PRELID2: variants seen among roughly 807,000 people sequenced by gnomAD.
PRELID2 encodes the protein PRELI domain-containing protein 2.
Under a neutral mutation model 28.4 loss-of-function variants are expected in PRELID2, and 25 were observed. The ratio of observed to expected loss-of-function variants is 0.88; its 90% CI spans 0.64 to 1.23. The LOEUF is 1.23. Among genes scored for constraint, PRELID2 ranks in the 50% most tolerant of loss-of-function variants. The pLI is 0.00. For synonymous variants in PRELID2, 76 were observed against 71.6 expected (o/e 1.06, Z -0.31); for missense variants, 201 against 214.4 (o/e 0.94, Z 0.39).
the PRELID2 span, among the ~76,000 whole-genome samples, chr5:145,251,465 C>T: frequency 6.6e-6 from 1 of 151,962 alleles, no homozygotes; most frequent in Non-Finnish European, 1.5e-5. Context: ...GTCTTGATCT[C>T]AGTGTAATGA....
intron 5 of PRELID2, among the ~76,000 whole-genome samples, chr5:145,790,426 A>T (rs749188199): frequency 6.6e-6 from 1 of 152,114 alleles, no homozygotes; most frequent in Non-Finnish European, 1.5e-5. Context: ...AATCTAAAAA[A>T]GTTAAACTCA....
At chr5:145,418,802 A>G in the PRELID2 span, among the ~76,000 whole-genome samples, 1 of 151,688 alleles carries the variant, frequency 6.6e-6, no homozygotes, top group Admixed American at 6.6e-5. Context: ...ATATGTATAC[A>G]TGTGCCATGC....
the PRELID2 span, among the ~76,000 whole-genome samples, chr5:145,256,673 AT>A: frequency 2.6e-5 from 4 of 152,006 alleles, no homozygotes; most frequent in East Asian, 7.7e-4. Context: ...AAAGAAAACC[AT>A]ACCTAAGCAG....
chr5:145,506,681 G>A (rs1022824900), intron 1 of PRELID2, among the ~76,000 whole-genome samples: 11 of 152,176 alleles, frequency 7.2e-5, no homozygotes, highest in Non-Finnish European at 1.6e-4. Context: ...CCCACAATGG[G>A]AGGATACTGC....
intron 1 of PRELID2, among the ~76,000 whole-genome samples, chr5:145,571,613 C>A (rs1043363540): frequency 6.6e-6 from 1 of 152,162 alleles, no homozygotes. Flanking sequence ...CCTCCCTTTC[C>A]AGACTTTTCC....
At chr5:145,799,145 C>T (rs918304913) in intron 4 of PRELID2, among the ~76,000 whole-genome samples, 1 of 150,420 alleles carries the variant, frequency 6.6e-6, no homozygotes, top group Non-Finnish European at 1.5e-5. Flanking sequence ...ACATTAAGCT[C>T]CTATAAGATT....
the PRELID2 span, among the ~76,000 whole-genome samples, chr5:145,353,306 AC>A: frequency 3.3e-5 from 5 of 150,176 alleles, no homozygotes; most frequent in Admixed American, 1.3e-4. Context: ...ACACACACAC[AC>A]AAAAAATCAG....
At chr5:145,327,100 G>A in the PRELID2 span, among the ~76,000 whole-genome samples, 1 of 152,004 alleles carries the variant, frequency 6.6e-6, no homozygotes, top group African/African-American at 2.4e-5. Context: ...TGCTATTGTT[G>A]GAAGAAACAT....
At chr5:145,334,827 G>A in the PRELID2 span, among the ~76,000 whole-genome samples, 1 of 148,876 alleles carries the variant, frequency 6.7e-6, no homozygotes. Context: ...TTCTTGGAGT[G>A]CAGTTTCTAC....
intron 1 of PRELID2, among the ~76,000 whole-genome samples, chr5:145,660,417 C>A (rs930193154): frequency 4.6e-5 from 7 of 152,164 alleles, no homozygotes; most frequent in African/African-American, 1.7e-4. Flanking sequence ...CCTACATCAG[C>A]TCCTGGCTCC....
the PRELID2 span, among the ~76,000 whole-genome samples, chr5:145,452,897 CAAG>C: frequency 6.6e-6 from 1 of 152,136 alleles, no homozygotes; most frequent in African/African-American, 2.4e-5. Flanking sequence ...TCCTGGGTGA[CAAG>C]AGAGTGAACT....
At chr5:145,686,498 C>G (rs1755041011) in intron 1 of PRELID2, among the ~76,000 whole-genome samples, 1 of 152,112 alleles carries the variant, frequency 6.6e-6, no homozygotes, top group Non-Finnish European at 1.5e-5. Context: ...CTAAAAACGT[C>G]TTCTAATCCC....
the PRELID2 span, among the ~76,000 whole-genome samples, chr5:145,442,067 T>G: frequency 7.9e-5 from 12 of 152,116 alleles, no homozygotes; most frequent in African/African-American, 2.9e-4. Flanking sequence ...GGAAGAATAA[T>G]TGATGTCTAC....
At chr5:145,308,815 T>C in the PRELID2 span, among the ~76,000 whole-genome samples, 1 of 152,218 alleles carries the variant, frequency 6.6e-6, no homozygotes, top group African/African-American at 2.4e-5. Context: ...GCACTTGTTA[T>C]TTTGACAAAC....
chr5:145,793,413 T>C (rs538155525), intron 5 of PRELID2, among the ~76,000 whole-genome samples: 2 of 152,116 alleles, frequency 1.3e-5, no homozygotes, highest in African/African-American at 4.8e-5. Flanking sequence ...AACACTCTTA[T>C]GGTGACTTCC....
At chr5:145,593,940 C>A (rs1275933582) in intron 1 of PRELID2, among the ~76,000 whole-genome samples, 1 of 152,048 alleles carries the variant, frequency 6.6e-6, no homozygotes, top group African/African-American at 2.4e-5. Flanking sequence ...TAAGAAATTA[C>A]TGTTAAAATT....
intron 1 of PRELID2, among the ~76,000 whole-genome samples, chr5:145,737,834 G>A (rs968667432): frequency 1.3e-5 from 2 of 152,204 alleles, no homozygotes; most frequent in African/African-American, 4.8e-5. Flanking sequence ...AGACCTAGTA[G>A]GGAGTTGGAA....
chr5:145,818,040 T>C lies in PRELID2; in HGVS notation c.222A>G (p.Lys74=), dbSNP rs1377408666. The C allele has an allele frequency of 6.2e-7, 1 of 1,612,170 alleles. No homozygotes were observed. The highest frequency in any genetic ancestry group is 8.5e-7 in the Non-Finnish European group (1 of 1,179,092). The change falls in exon 4 of 7, where the codon AAA becomes AAG. Residue 74 remains lysine, a synonymous_variant. Coordinates refer to ENST00000683046, the MANE Select transcript of PRELID2 (RefSeq NM_205846.3). ...PEILRKVSIL[K]VPNIQLEEES... ...CCTCTTCTAATTGGATATTAGGTAC[T>C]TTCAAAATGCTCACCTGTCCAACAG...
At chr5:145,390,804 A>G in the PRELID2 span, among the ~76,000 whole-genome samples, 195 of 152,258 alleles carry the variant, frequency 1.3e-3, 1 homozygote, top group African/African-American at 4.6e-3. Flanking sequence ...ATAAAATCAA[A>G]AGCAAGTTAG....
Sources: gnomAD v4.1 joint callset for allele counts (sites outside exome capture counted in the v4.1 genomes callset) on GRCh38, gnomAD v4.1.1 for gene constraint, MANE v1.5 for transcripts, NCBI Gene and HGNC (gene_info 2026-07-23, HGNC 2026-07-21) for gene names.